Variants in CCDC87 observed in about 807,000 individuals in gnomAD.
The protein encoded by CCDC87 is coiled-coil domain-containing protein 87.
For synonymous variants in CCDC87, 434 were observed against 440.2 expected (o/e 0.99, Z 0.18); for missense variants, 1,072 against 1,041.7 (o/e 1.03, Z -0.40).
rs1858365827 is a variant in CCDC87, at chr11:66,591,778, T to C, written c.1238A>G (p.Gln413Arg). The change falls in exon 1 of 1, where the codon CAG (glutamine) becomes CGG (arginine). Residue 413 changes from glutamine (Q) to arginine (R), a missense_variant. Gln to Arg is a conservative substitution (Grantham distance 43). Transcript: ENST00000333861. ...RNLQEEEASG[Q>R]WDPQPPKSFP... ...GGATTTGGGGGGCTGGGGGTCCCAC[T>C]GCCCAGAGGCTTCTTCCTCCTGGAG... The C allele has an allele frequency of 1.2e-6, 2 of 1,613,638 alleles. No individual in the cohort carries two copies. Among genetic ancestry groups the C allele is most frequent in the Middle Eastern group, 1.7e-4 (1 of 6,060 alleles).
rs530058048 is a variant in CCDC87 at position 66,591,175 on chromosome 11, T to G, written c.1841A>C (p.Gln614Pro). ...HETDFLHVIF[Q>P]MHEEEVPVEI... ...CACAGGAACCTCTTCTTCATGCATT[T>G]GAAAGATGACATGAAGGAAATCTGT... The change falls in exon 1 of 1, where the codon CAA (glutamine) becomes CCA (proline). Residue 614 changes from glutamine to proline, a missense_variant. Coordinates refer to ENST00000333861, the MANE Select transcript of CCDC87 (RefSeq NM_018219.3). 9.9e-6 allele frequency: 16 copies of G among 1,614,256 alleles called. No individual in the cohort carries two copies. In the African/African-American group the frequency reaches 2.1e-4, roughly 22 times the overall value.
In CCDC87 at chr11:66,592,678, C is replaced by A. The variant is rs530433678; in HGVS notation, c.338G>T (p.Arg113Leu). ...SLSHKNNQKL[R>L]KRLEAYVLLS... The stretch of plus-strand genomic sequence containing the variant: ...CAGCACGTAGGCCTCGAGCCGCTTC[C>A]GCAGCTTCTGGTTGTTTTTGTGGCT... Residue 113 changes from arginine to leucine, a missense_variant, in exon 1 of 1, where the codon CGG (arginine) becomes CTG (leucine). Physicochemically the swap from Arg to Leu is moderately radical, Grantham distance 102. Coordinates refer to ENST00000333861, the MANE Select transcript of CCDC87 (RefSeq NM_018219.3). The A allele has an allele frequency of 6.2e-7, 1 of 1,613,982 alleles. No homozygotes were observed. Among genetic ancestry groups the A allele is most frequent in the Non-Finnish European group, 8.5e-7 (1 of 1,180,038 alleles).
chr11:66,590,433 G>T lies in CCDC87; in HGVS notation c.*33C>A. On this transcript the variant is annotated 3_prime_UTR_variant, in exon 1 of 1. Transcript: ENST00000333861. ...GAGGCATTTGAGGGCACTGGGCCTG[G>T]TCAAGGAGTAATAGGGGTATTCCCA... 1 of 1,538,632 alleles carries T rather than the reference G, an allele frequency of 6.5e-7. No homozygotes were observed. The highest frequency in any genetic ancestry group is 8.8e-7 in the Non-Finnish European group (1 of 1,135,222).
chr11:66,591,893 C>T lies in CCDC87; in HGVS notation c.1123G>A (p.Asp375Asn), dbSNP rs755335832. ...CCCAGGAGAGGAGGCAGGCCTGAGT[C>T]CAGTGGTGGGTAGCGAGTCCCCTCC... ...KLEGTRYPPL[D>N]SGLPPLLGVV... Residue 375 changes from aspartate (D) to asparagine (N), a missense_variant, in exon 1 of 1, where the codon GAC (aspartate) becomes AAC (asparagine). Transcript: ENST00000333861. 3 of 1,613,974 alleles carry T rather than the reference C, an allele frequency of 1.9e-6. No individual in the cohort carries two copies. In the South Asian group the frequency reaches 3.3e-5, roughly 18 times the overall value.
In CCDC87 at chr11:66,590,349, T is replaced by C. The variant is rs558630047; in HGVS notation, c.*117A>G. ...CTCCACTCCCAGATATAGACAAATATTTCTTCTTCCAAAGCAGTAAAGAGG... is the reference window on the plus strand; with the variant it reads ...CTCCACTCCCAGATATAGACAAATACTTCTTCTTCCAAAGCAGTAAAGAGG... On this transcript the variant is annotated 3_prime_UTR_variant, in exon 1 of 1. Coordinates refer to ENST00000333861, the MANE Select transcript of CCDC87 (RefSeq NM_018219.3). 4 of 752,300 alleles carry C rather than the reference T, an allele frequency of 5.3e-6. No homozygotes were observed. The East Asian group carries it at 1.0e-4, about 19-fold the overall frequency. 46.6% of individuals were successfully genotyped at this position (752,300 alleles called of 1,614,324 possible). A position where few individuals can be genotyped will look rare whatever the true frequency, so the allele number is the denominator to read the frequency against.
Position 66,592,368 on chromosome 11 carries a change from G to C in CCDC87, c.648C>G (p.Gly216=), listed in dbSNP as rs1229242033. ...LCPIPWPHST[G]FAQVQCSNLN... ...GGTTAGAGCACTGCACTTGGGCGAA[G>C]CCAGTGCTGTGAGGCCAGGGGATAG... Residue 216 remains glycine (G), a synonymous_variant, in exon 1 of 1, where the codon GGC becomes GGG. Coordinates refer to ENST00000333861, the MANE Select transcript of CCDC87 (RefSeq NM_018219.3). 1.2e-6 allele frequency: 2 copies of C among 1,614,166 alleles called. No homozygotes were observed. The highest frequency in any genetic ancestry group is 3.3e-5 in the Admixed American group (2 of 60,034).
rs904654444 is a variant in CCDC87 at position 66,590,700 on chromosome 11, G to A, written c.2316C>T (p.Leu772=). ...ACTCCATTAAGTTGAGCTTCCTGTGGAGATGGCTTCGGACCTGATTCTCCT... is the reference window on the plus strand; with the variant it reads ...ACTCCATTAAGTTGAGCTTCCTGTGAAGATGGCTTCGGACCTGATTCTCCT... ...FLEENQVRSH[L]HRKLNLMESS... Residue 772 remains leucine (L), a synonymous_variant, in exon 1 of 1, where the codon CTC becomes CTT. Coordinates refer to ENST00000333861, the MANE Select transcript of CCDC87 (RefSeq NM_018219.3). The A allele has an allele frequency of 6.2e-7, 1 of 1,613,974 alleles. No individual in the cohort carries two copies. Among genetic ancestry groups the A allele is most frequent in the Non-Finnish European group, 8.5e-7 (1 of 1,180,040 alleles).
chr11:66,592,624 T>C lies in CCDC87; in HGVS notation c.392A>G (p.Tyr131Cys). Reference protein sequence around the residue: ...LLSSEQLFLRYLHLLVTMSTP... With the variant: ...LLSSEQLFLRCLHLLVTMSTP... The stretch of plus-strand genomic sequence containing the variant: ...CGACATGGTCACCAGCAGGTGCAGG[T>C]AGCGCAAGAAGAGCTGCTCGCTGCT... The change falls in exon 1 of 1, where the codon TAC becomes TGC. Residue 131 changes from tyrosine to cysteine, a missense_variant. Physicochemically the swap from Tyr to Cys is radical, Grantham distance 194 (BLOSUM62 -2). Transcript: ENST00000333861. The C allele has an allele frequency of 1.2e-6, 2 of 1,613,782 alleles. No individual in the cohort carries two copies. The highest frequency in any genetic ancestry group is 2.2e-5 in the South Asian group (2 of 91,080).
chr11:66,592,074 G>C lies in CCDC87; in HGVS notation c.942C>G (p.Ser314=), dbSNP rs1565320285. The C allele has an allele frequency of 1.2e-6, 2 of 1,608,042 alleles. No homozygotes were observed. Among genetic ancestry groups the C allele is most frequent in the Non-Finnish European group, 8.5e-7 (1 of 1,177,024 alleles). The change falls in exon 1 of 1, where the codon TCC becomes TCG. Residue 314 remains serine (S), a synonymous_variant. Coordinates refer to ENST00000333861, the MANE Select transcript of CCDC87 (RefSeq NM_018219.3). The part of the protein sequence containing the change: ...PELRRGQSMP[S]LREGWRLADE... Reference sequence around the variant, plus strand: ...CTGCCAGCCTCCAGCCCTCACGCAGGGAGGGCATGGATTGGCCTCTCCGGA... The same window carrying C: ...CTGCCAGCCTCCAGCCCTCACGCAGCGAGGGCATGGATTGGCCTCTCCGGA...
In CCDC87 at chr11:66,590,559, C is replaced by A; in HGVS notation, c.2457G>T (p.Trp819Cys). The change falls in exon 1 of 1, where the codon TGG becomes TGT. Residue 819 changes from tryptophan (W) to cysteine (C), a missense_variant. Coordinates refer to ENST00000333861, the MANE Select transcript of CCDC87 (RefSeq NM_018219.3). The part of the protein sequence containing the change: ...MKSDKVEMLY[W>C]LQQQRRVRHL... The stretch of plus-strand genomic sequence containing the variant: ...GGCGAACCCGCCGCTGCTGTTGCAG[C>A]CAATAGAGCATCTCCACTTTGTCAC... The A allele has an allele frequency of 6.2e-7, 1 of 1,614,218 alleles. No individual in the cohort carries two copies. The highest frequency in any genetic ancestry group is 8.5e-7 in the Non-Finnish European group (1 of 1,180,034).
rs1201138475 is a variant in CCDC87 at position 66,591,984 on chromosome 11, G to T, written c.1032C>A (p.Ser344Arg). The T allele has an allele frequency of 1.2e-6, 2 of 1,613,888 alleles. No individual in the cohort carries two copies. Among genetic ancestry groups the T allele is most frequent in the Non-Finnish European group, 1.7e-6 (2 of 1,180,032 alleles). The change falls in exon 1 of 1, where the codon AGC becomes AGA. Residue 344 changes from serine to arginine, a missense_variant. By Grantham distance (110) the Ser-to-Arg change is moderately radical. Coordinates refer to ENST00000333861, the MANE Select transcript of CCDC87 (RefSeq NM_018219.3). ...CGATGAGCCCAGTCAGCTCTGGTTT[G>T]CTCTCTGTAGCCAAGACCAGCGGGG... ...PLTPLVLATE[S>R]KPELTGLIVA...
Position 66,591,152 on chromosome 11 carries a change from C to T in CCDC87, c.1864G>A (p.Val622Met), listed in dbSNP as rs1400098555. 2 of 1,614,250 alleles carry T rather than the reference C, an allele frequency of 1.2e-6. No individual in the cohort carries two copies. Among genetic ancestry groups the T allele is most frequent in the Non-Finnish European group, 1.7e-6 (2 of 1,180,052 alleles). The change falls in exon 1 of 1, where the codon GTG becomes ATG. Residue 622 changes from valine (V) to methionine (M), a missense_variant. By Grantham distance (21) the Val-to-Met change is conservative. Coordinates refer to ENST00000333861, the MANE Select transcript of CCDC87 (RefSeq NM_018219.3). ...TCTCTGGCAGGGGCCACAATCTCCA[C>T]AGGAACCTCTTCTTCATGCATTTGA... ...IFQMHEEEVP[V>M]EIVAPARESL...
rs1419893498 is a variant in CCDC87 at position 66,592,845 on chromosome 11, C to T, written c.171G>A (p.Ser57=). The change falls in exon 1 of 1, where the codon TCG becomes TCA. Residue 57 remains serine, a synonymous_variant. Transcript: ENST00000333861. The part of the protein sequence containing the change: ...SFPLAKLTVA[S]LCSQVAKLLA... ...GCAGCTTGGCCACCTGGCTGCACAG[C>T]GACGCCACCGTCAGCTTCGCCAGAG... The T allele has an allele frequency of 3.8e-6, 6 of 1,577,898 alleles. No homozygotes were observed. The Admixed American group carries it at 9.2e-5, about 24-fold the overall frequency.
At position 66,591,463 on chromosome 11, in the gene CCDC87, G is replaced by A; in HGVS notation, c.1553C>T (p.Ala518Val). The A allele has an allele frequency of 6.2e-7, 1 of 1,614,166 alleles. No homozygotes were observed. The highest frequency in any genetic ancestry group is 1.1e-5 in the South Asian group (1 of 91,084). ...GAAGGTCGACCAGTCTTTATCTGCT[G>A]CAGGCTCAACTAGGGGCCCTTGATC... ...HFDQGPLVEP[A>V]ADKDWSTFLS... Residue 518 changes from alanine to valine, a missense_variant, in exon 1 of 1, where the codon GCA (alanine) becomes GTA (valine). Coordinates refer to ENST00000333861, the MANE Select transcript of CCDC87 (RefSeq NM_018219.3).
chr11:66,591,005 G>A lies in CCDC87; in HGVS notation c.2011C>T (p.Leu671=). The A allele has an allele frequency of 6.2e-7, 1 of 1,614,002 alleles. No homozygotes were observed. The highest frequency in any genetic ancestry group is 2.2e-5 in the East Asian group (1 of 44,888). Reference sequence around the variant, plus strand: ...CTCAGAATTTTGTGGGGTTCTCCCAGGTGGGGTGTCTTCCCAGCTCCTAGC... The same window carrying A: ...CTCAGAATTTTGTGGGGTTCTCCCAAGTGGGGTGTCTTCCCAGCTCCTAGC... ...HRLGAGKTPH[L]GEPHKILSLQ... Residue 671 remains leucine (L), a synonymous_variant, in exon 1 of 1, where the codon CTG becomes TTG. Transcript: ENST00000333861.
rs776983685 is a variant in CCDC87 at position 66,590,441 on chromosome 11, G to C, written c.*25C>G. On this transcript the variant is annotated 3_prime_UTR_variant, in exon 1 of 1. Transcript: ENST00000333861. Reference sequence around the variant, plus strand: ...TGAGGGCACTGGGCCTGGTCAAGGAGTAATAGGGGTATTCCCAGGAGCTAC... The same window carrying C: ...TGAGGGCACTGGGCCTGGTCAAGGACTAATAGGGGTATTCCCAGGAGCTAC... 6.4e-7 allele frequency: 1 copy of C among 1,564,904 alleles called. No homozygotes were observed.
Position 66,592,238 on chromosome 11 carries a change from T to C in CCDC87, c.778A>G (p.Arg260Gly). 1 of 1,613,724 alleles carries C rather than the reference T, an allele frequency of 6.2e-7. No homozygotes were observed. The highest frequency in any genetic ancestry group is 1.3e-5 in the African/African-American group (1 of 75,028). ...GGCAGCCAGTGGAAAGGCTTTTTCC[T>C]CTTCAACCGAGGGATGGACTTCAAT... ...KELKSIPRLK[R>G]KKPFHWLPSI... The change falls in exon 1 of 1, where the codon AGG becomes GGG. Residue 260 changes from arginine (R) to glycine (G), a missense_variant. Arg to Gly is a moderately radical substitution (Grantham distance 125). Coordinates refer to ENST00000333861, the MANE Select transcript of CCDC87 (RefSeq NM_018219.3).
chr11:66,592,244 A>G lies in CCDC87; in HGVS notation c.772T>C (p.Leu258=). 1 of 1,613,860 alleles carries G rather than the reference A, an allele frequency of 6.2e-7. No individual in the cohort carries two copies. Among genetic ancestry groups the G allele is most frequent in the Non-Finnish European group, 8.5e-7 (1 of 1,179,888 alleles). Residue 258 remains leucine (L), a synonymous_variant, in exon 1 of 1, where the codon TTG becomes CTG. Transcript: ENST00000333861. ...PVKELKSIPR[L]KRKKPFHWLP... ...CAGTGGAAAGGCTTTTTCCTCTTCA[A>G]CCGAGGGATGGACTTCAATTCCTTC...
At position 66,590,448 on chromosome 11, in the gene CCDC87, G is replaced by A. The variant is rs373826529; in HGVS notation, c.*18C>T. The A allele has an allele frequency of 1.3e-6, 2 of 1,579,342 alleles. No individual in the cohort carries two copies. Among genetic ancestry groups the A allele is most frequent in the East Asian group, 2.2e-5 (1 of 44,786 alleles). On this transcript the variant is annotated 3_prime_UTR_variant, in exon 1 of 1. Coordinates refer to ENST00000333861, the MANE Select transcript of CCDC87 (RefSeq NM_018219.3). ...ACTGGGCCTGGTCAAGGAGTAATAG[G>A]GGTATTCCCAGGAGCTACTAAAGGC...
Sources: gnomAD v4.1 joint callset for allele counts on GRCh38, gnomAD v4.1.1 for gene constraint, MANE v1.5 for transcripts, NCBI Gene and HGNC (gene_info 2026-07-23, HGNC 2026-07-21) for gene names.